The following ARPC2 variants were observed in gnomAD, a reference collection of about 807,000 sequenced individuals.
ARPC2 encodes the protein actin-related protein 2/3 complex subunit 2.
Under a neutral mutation model 38.6 loss-of-function variants are expected in ARPC2, and 4 were observed. The observed-to-expected ratio is 0.10, with a 90% CI of 0.05 to 0.24. The LOEUF is 0.24. Ranked by LOEUF, ARPC2 falls within the 10% of genes least tolerant of loss-of-function variation. ARPC2 has a pLI of 1.00. For synonymous variants in ARPC2, 125 were observed against 140.8 expected, an observed-to-expected ratio of 0.89 and a Z score of 0.79; for missense variants, 229 against 387.3, an observed-to-expected ratio of 0.59 and a Z score of 3.43.
intron 2 of ARPC2, among the ~76,000 whole-genome samples, chr2:218,224,806 C>T (rs1321152814): frequency 6.6e-6 from 1 of 152,202 alleles, no homozygotes; most frequent in Non-Finnish European, 1.5e-5. Context: ...AAGGTATTGT[C>T]TGGCTTCTAT....
intron 3 of ARPC2, chr2:218,227,109 T>C: frequency 2.2e-6 from 1 of 445,504 alleles, no homozygotes; most frequent in Non-Finnish European, 4.6e-6. Flanking sequence ...CCAGGCACCA[T>C]CCCTTTACCC....
chr2:218,231,823 G>A (rs374624127), intron 4 of ARPC2, among the ~76,000 whole-genome samples: 1 of 152,374 alleles, frequency 6.6e-6, no homozygotes, highest in Admixed American at 6.5e-5. Context: ...TTATTGTTCA[G>A]CCAGGCGTGG....
intron 7 of ARPC2, among the ~76,000 whole-genome samples, chr2:218,239,782 G>A (rs910814391): frequency 1.5e-4 from 22 of 151,502 alleles, no homozygotes; most frequent in African/African-American, 5.3e-4. Flanking sequence ...TAGTAGAGAC[G>A]GGGTTTCTCC....
chr2:218,232,602 G>A (rs1251046265), intron 4 of ARPC2, among the ~76,000 whole-genome samples: 1 of 143,590 alleles, frequency 7.0e-6, no homozygotes, highest in African/African-American at 2.6e-5. Context: ...CACCCGGGCT[G>A]GAGTGCACCC....
At chr2:218,224,883 A>G (rs907695303) in intron 2 of ARPC2, among the ~76,000 whole-genome samples, 1 of 152,248 alleles carries the variant, frequency 6.6e-6, no homozygotes, top group African/African-American at 2.4e-5. Flanking sequence ...CTGGAGAGCA[A>G]CTTAGTCTTC....
At chr2:218,228,889 T>G (rs1689567958) in intron 4 of ARPC2, 39 bp downstream of exon 4, 1 of 1,343,290 alleles carries the variant, frequency 7.4e-7, no homozygotes, top group Non-Finnish European at 1.1e-6. Flanking sequence ...TCTTGTTTCC[T>G]CACCTTTCAT....
chr2:218,241,241 G>A (rs1303279287), intron 7 of ARPC2, among the ~76,000 whole-genome samples: 30 of 152,314 alleles, frequency 2.0e-4, no homozygotes, highest in Middle Eastern at 3.4e-3. Context: ...CTTCTAAGTG[G>A]CTAGGAAAAT....
intron 2 of ARPC2, among the ~76,000 whole-genome samples, chr2:218,219,551 T>C (rs1689337788): frequency 6.6e-6 from 1 of 152,164 alleles, no homozygotes. Flanking sequence ...GGTTTCACCA[T>C]GTTGGCCAGG....
chr2:218,238,539 A>G (rs1276134812), intron 5 of ARPC2, 125 bp from the exon 6 acceptor site: 5 of 663,006 alleles, frequency 7.5e-6, no homozygotes, highest in Admixed American at 3.2e-5. Flanking sequence ...CTGAAAAAAG[A>G]TTTTTTTAGT....
intron 7 of ARPC2, among the ~76,000 whole-genome samples, chr2:218,243,419 G>A (rs1689961530): frequency 6.6e-6 from 1 of 152,212 alleles, no homozygotes; most frequent in Admixed American, 6.5e-5. Flanking sequence ...GTTTGGGTGT[G>A]TTTGTTTGTT....
At chr2:218,247,860 G>T (rs544919110) in intron 8 of ARPC2, among the ~76,000 whole-genome samples, 44 of 151,878 alleles carry the variant, frequency 2.9e-4, no homozygotes, top group Non-Finnish European at 5.4e-4. Context: ...GGAGAATGGC[G>T]TGAACCTGGG....
intron 3 of ARPC2, among the ~76,000 whole-genome samples, chr2:218,227,544 C>T (rs548865382): frequency 3.3e-5 from 5 of 151,734 alleles, no homozygotes; most frequent in African/African-American, 7.3e-5. Flanking sequence ...CTCCTGCCTC[C>T]GCCTCTCAAG....
At chr2:218,228,377 T>C (rs1034629411) in intron 3 of ARPC2, among the ~76,000 whole-genome samples, 1 of 151,710 alleles carries the variant, frequency 6.6e-6, no homozygotes, top group Non-Finnish European at 1.5e-5. Flanking sequence ...CACTCCAGCC[T>C]GGGTGACAGA....
At chr2:218,247,632 T>G (rs1690077790) in intron 8 of ARPC2, among the ~76,000 whole-genome samples, 1 of 152,058 alleles carries the variant, frequency 6.6e-6, no homozygotes, top group Non-Finnish European at 1.5e-5. Context: ...CCCGGCTAAT[T>G]TTTGTATTTT....
intron 4 of ARPC2, among the ~76,000 whole-genome samples, chr2:218,232,294 C>A (rs1689652616): frequency 6.6e-6 from 1 of 152,160 alleles, no homozygotes; most frequent in Non-Finnish European, 1.5e-5. Context: ...TAAGCCATGT[C>A]ATTCTGGAAG....
chr2:218,250,019 C>T (rs1032917385), intron 10 of ARPC2, 98 bp downstream of exon 10: 15 of 1,063,070 alleles, frequency 1.4e-5, no homozygotes, highest in Non-Finnish European at 2.0e-5. Flanking sequence ...TATCTGGGCA[C>T]TGGCTACATA....
In ARPC2 at chr2:218,254,283, G is replaced by T; in HGVS notation, c.*368G>T. ...AACTTGTTTTCTCCTAAGTATTTGA[G>T]TTCAAAACTCCTGTATCTAAAGAAA... On this transcript the variant is annotated 3_prime_UTR_variant, in exon 11 of 11. Coordinates refer to ENST00000315717, the MANE Select transcript of ARPC2 (RefSeq NM_152862.3). 1 of 201,788 alleles carries T rather than the reference G, an allele frequency of 5.0e-6. No individual in the cohort carries two copies. The highest frequency in any genetic ancestry group is 1.0e-5 in the Non-Finnish European group (1 of 98,420). The allele number at this position is 201,788 out of a possible 1,614,324, so 12.5% of individuals were successfully genotyped here. A position where few individuals can be genotyped will look rare whatever the true frequency, so the allele number is the denominator to read the frequency against.
chr2:218,245,844 G>T (rs1331701105), intron 8 of ARPC2, among the ~76,000 whole-genome samples: 1 of 152,090 alleles, frequency 6.6e-6, no homozygotes, highest in African/African-American at 2.4e-5. Context: ...AGTTCAGCTG[G>T]TAGAGCAGAG....
chr2:218,231,272 A>C (rs1689626971), intron 4 of ARPC2, among the ~76,000 whole-genome samples: 1 of 152,340 alleles, frequency 6.6e-6, no homozygotes, highest in South Asian at 2.1e-4. Flanking sequence ...TCATGGTTAA[A>C]AGTGCAAGTG....
Sources: gnomAD v4.1 joint callset for allele counts (sites outside exome capture counted in the v4.1 genomes callset) on GRCh38, gnomAD v4.1.1 for gene constraint, MANE v1.5 for transcripts, NCBI Gene and HGNC (gene_info 2026-07-23, HGNC 2026-07-21) for gene names.